Variants in PPM1D observed in about 807,000 individuals in gnomAD.
PPM1D encodes the protein protein phosphatase, Mg2+/Mn2+ dependent 1D, also known as protein phosphatase 1D.
PPM1D carries 52 observed loss-of-function variants against 58.3 expected under a neutral mutation model. The ratio of observed to expected loss-of-function variants is 0.89; its 90% CI spans 0.71 to 1.12. The LOEUF (loss-of-function observed/expected upper bound fraction) is 1.12. PPM1D is among the 50% of genes most tolerant of loss of function. PPM1D has a pLI of 0.00. For missense variants in PPM1D, 564 were observed against 777.2 expected (o/e 0.73, Z 3.26); for synonymous variants, 278 against 285.1 (o/e 0.98, Z 0.25).
intron 1 of PPM1D, among the ~76,000 whole-genome samples, chr17:60,621,601 C>G (rs1307008088): frequency 1.4e-5 from 2 of 142,132 alleles, no homozygotes; most frequent in Non-Finnish European, 3.0e-5. Context: ...GAGTCTCGCT[C>G]TGTCGCCCAG....
Position 60,631,789 on chromosome 17 carries a change from T to C in PPM1D, c.702-2064T>C, listed in dbSNP as rs112711419. ...ATAAAAATTAAATTTAAAAAATCAA[T>C]TCCCATTTGAAGTAAAGCTCATTTC... On this transcript the variant is annotated intron_variant, in intron 2 of 5. Coordinates refer to ENST00000305921, the MANE Select transcript of PPM1D (RefSeq NM_003620.4). 2.9e-3 allele frequency among the ~76,000 whole-genome samples: 437 copies of C among 152,342 alleles called. 1 individual carries two copies. Among genetic ancestry groups the C allele is most frequent in the African/African-American group, 9.9e-3 (412 of 41,586 alleles).
chr17:60,603,325 G>A lies in PPM1D; in HGVS notation c.472+2439G>A, dbSNP rs563890594. On this transcript the variant is annotated intron_variant, in intron 1 of 5. Transcript: ENST00000305921. ...TACTATATGAGAAATTTAAACTTAG[G>A]CAATTTAAAAATATTTCTTTAAAAA... is the stretch of plus-strand genomic sequence containing the variant. Among the ~76,000 whole-genome samples the A allele has an allele frequency of 1.2e-3, 183 of 151,778 alleles. 1 individual carries two copies. The highest frequency in any genetic ancestry group is 4.3e-3 in the African/African-American group (178 of 41,382).
intron 1 of PPM1D, among the ~76,000 whole-genome samples, chr17:60,613,363 G>T (rs1298218506): frequency 6.6e-6 from 1 of 152,244 alleles, no homozygotes; most frequent in Non-Finnish European, 1.5e-5. Flanking sequence ...TTGGAATTCT[G>T]TAAGAACTCT....
chr17:60,623,770 C>CT, intron 2 of PPM1D, 21 bp downstream of exon 2: 1 of 1,608,572 alleles, frequency 6.2e-7, no homozygotes, highest in East Asian at 2.2e-5. Context: ...GTCGTTTTCT[C>CT]TTTCCTCTTT....
At chr17:60,615,704 A>C (rs1271409645) in intron 1 of PPM1D, among the ~76,000 whole-genome samples, 3 of 141,984 alleles carry the variant, frequency 2.1e-5, no homozygotes, top group South Asian at 4.4e-4. Context: ...GGGTAGAGAT[A>C]GGGTCTTACT....
At chr17:60,613,492 G>T (rs1037585240) in intron 1 of PPM1D, among the ~76,000 whole-genome samples, 2 of 152,240 alleles carry the variant, frequency 1.3e-5, no homozygotes, top group African/African-American at 4.8e-5. Context: ...CGCCTCCTCA[G>T]CCTTGGCGCC....
intron 3 of PPM1D, among the ~76,000 whole-genome samples, chr17:60,646,504 C>T (rs2031253225): frequency 6.6e-6 from 1 of 152,038 alleles, no homozygotes; most frequent in Admixed American, 6.6e-5. Flanking sequence ...TAGGCCTTTC[C>T]CTTAAATAGT....
At chr17:60,650,536 C>T (rs1276096835) in intron 4 of PPM1D, among the ~76,000 whole-genome samples, 6 of 151,174 alleles carry the variant, frequency 4.0e-5, no homozygotes, top group East Asian at 2.0e-4. Flanking sequence ...GGTGACAGAG[C>T]GAGACTCCAT....
rs180908706 is a variant in PPM1D at position 60,634,022 on chromosome 17, A to G, written c.826+45A>G. On this transcript the variant is annotated intron_variant, in intron 3 of 5. Coordinates refer to ENST00000305921, the MANE Select transcript of PPM1D (RefSeq NM_003620.4). ...GTGAAATTATATTGAATTTTCTACAATATATGGTGGCAAAATAAAAGAGGA... is the reference window on the plus strand; with the variant it reads ...GTGAAATTATATTGAATTTTCTACAGTATATGGTGGCAAAATAAAAGAGGA... 5.3e-5 allele frequency: 85 copies of G among 1,595,864 alleles called. No homozygotes were observed. The East Asian group carries it at 6.5e-4, about 12-fold the overall frequency.
chr17:60,611,473 AG>A (rs1482769836), intron 1 of PPM1D, among the ~76,000 whole-genome samples: 2 of 151,724 alleles, frequency 1.3e-5, no homozygotes, highest in East Asian at 3.9e-4. Context: ...TCTGTCACCC[AG>A]GCTGGAGTGC....
Position 60,652,550 on chromosome 17 carries a change from G to GTTTT in PPM1D, c.1018-4027_1018-4024dup, listed in dbSNP as rs776162517. On this transcript the variant is annotated intron_variant, in intron 4 of 5. Transcript: ENST00000305921. ...TTGGATCATATGGTAGTTTACTTCTGTTTTTTTTTTTTTTTTTTTTTTTTT... is the reference window on the plus strand; with the variant it reads ...TTGGATCATATGGTAGTTTACTTCTGTTTTTTTTTTTTTTTTTTTTTTTTTTTTT... Among the ~76,000 whole-genome samples, 287 of 67,632 alleles carry GTTTT rather than the reference G, an allele frequency of 4.2e-3. 2 individuals are homozygous for GTTTT. Among genetic ancestry groups the GTTTT allele is most frequent in the African/African-American group, 6.0e-3 (102 of 16,960 alleles). The allele number at this position is 67,632 out of a possible 152,430, so 44.4% of individuals were successfully genotyped here.
rs779202711 is a variant in PPM1D, at chr17:60,600,507, C to A, written c.93C>A (p.Pro31=). The change falls in exon 1 of 6, where the codon CCC becomes CCA. Residue 31 remains proline, a synonymous_variant. Transcript: ENST00000305921. Reference sequence around the variant, plus strand: ...ACGTTACTCAAATCGTTGTGGAGCCCGAACCGACGGCTGAAGAAAAGCCCT... The same window carrying A: ...ACGTTACTCAAATCGTTGTGGAGCCAGAACCGACGGCTGAAGAAAAGCCCT... The part of the protein sequence containing the change: ...MEDVTQIVVE[P]EPTAEEKPSP... The A allele has an allele frequency of 6.4e-7, 1 of 1,568,826 alleles. No individual in the cohort carries two copies. Among genetic ancestry groups the A allele is most frequent in the Non-Finnish European group, 8.6e-7 (1 of 1,157,304 alleles).
intron 1 of PPM1D, among the ~76,000 whole-genome samples, chr17:60,613,914 C>G (rs1216240964): frequency 7.6e-6 from 1 of 132,328 alleles, no homozygotes; most frequent in Non-Finnish European, 1.8e-5. Context: ...ACCCCCCCGC[C>G]TCACACAGCC....
intron 5 of PPM1D, among the ~76,000 whole-genome samples, chr17:60,660,272 G>A (rs2031504273): frequency 6.6e-6 from 1 of 152,162 alleles, no homozygotes; most frequent in Admixed American, 6.5e-5. Flanking sequence ...GGAGGCGGAG[G>A]TTGCATTGAG....
chr17:60,656,544 T>C, intron 4 of PPM1D, 55 bp from the exon 5 acceptor site: 1 of 1,591,570 alleles, frequency 6.3e-7, no homozygotes, highest in South Asian at 1.1e-5. Context: ...TAGATACAGA[T>C]GTAGTGGCAG....
At chr17:60,623,822 CCTA>C (rs2030751640) in intron 2 of PPM1D, 73 bp downstream of exon 2, 2 of 1,421,096 alleles carry the variant, frequency 1.4e-6, no homozygotes, top group Non-Finnish European at 1.9e-6. Context: ...ATGAAATTGA[CCTA>C]CTACTGTCCC....
chr17:60,664,119 A>C lies in PPM1D; in HGVS notation c.*567A>C, dbSNP rs1013674551. On this transcript the variant is annotated 3_prime_UTR_variant, in exon 6 of 6. Transcript: ENST00000305921. ...AAATTTTTCATAGAAGTGTTGAGCC[A>C]TGCTACAGTTAGTCTTGTCCCAATT... is the stretch of plus-strand genomic sequence containing the variant. The C allele has an allele frequency of 6.5e-6, 1 of 154,100 alleles. No homozygotes were observed. Among genetic ancestry groups the C allele is most frequent in the African/African-American group, 2.4e-5 (1 of 41,460 alleles). 9.5% of individuals were successfully genotyped at this position (154,100 alleles called of 1,614,324 possible).
At chr17:60,628,566 T>G (rs1296141742) in intron 2 of PPM1D, among the ~76,000 whole-genome samples, 1 of 152,200 alleles carries the variant, frequency 6.6e-6, no homozygotes, top group African/African-American at 2.4e-5. Context: ...CTTCATAATT[T>G]TGCTTTTTCC....
chr17:60,623,897 G>A (rs1313154882), intron 2 of PPM1D, 148 bp downstream of exon 2: 2 of 713,748 alleles, frequency 2.8e-6, no homozygotes, highest in Non-Finnish European at 4.5e-6. Context: ...TAATACTCAT[G>A]TATGTATGTT....
Sources: gnomAD v4.1 joint callset for allele counts (sites outside exome capture counted in the v4.1 genomes callset) on GRCh38, gnomAD v4.1.1 for gene constraint, MANE v1.5 for transcripts, NCBI Gene and HGNC (gene_info 2026-07-23, HGNC 2026-07-21) for gene names.